The following RPS6KA2 variants were observed in gnomAD, a reference collection of about 807,000 sequenced individuals.
RPS6KA2 encodes the protein ribosomal protein S6 kinase alpha-2.
RPS6KA2 carries 42 observed loss-of-function variants against 91.8 expected under a neutral mutation model. That is an observed-to-expected ratio of 0.46 (90% CI 0.36 to 0.59). The LOEUF is 0.59. RPS6KA2 is among the 20% of genes least tolerant of loss of function. RPS6KA2 has a pLI of 0.00. For missense variants in RPS6KA2, 798 were observed against 978.5 expected, an observed-to-expected ratio of 0.82 and a Z score of 2.46; for synonymous variants, 414 against 393.6, an observed-to-expected ratio of 1.05 and a Z score of -0.61.
At chr6:166,537,166 C>A (rs1366293981) in intron 2 of RPS6KA2, among the ~76,000 whole-genome samples, 1 of 152,252 alleles carries the variant, frequency 6.6e-6, no homozygotes, top group Non-Finnish European at 1.5e-5. Context: ...CAGATAAAGA[C>A]GATTCGGCTG....
chr6:166,520,886 C>T (rs1012849572), intron 3 of RPS6KA2, among the ~76,000 whole-genome samples: 1 of 152,254 alleles, frequency 6.6e-6, no homozygotes, highest in Admixed American at 6.5e-5. Flanking sequence ...CTGCAGCCAA[C>T]TCAGAGAGCA....
At chr6:166,711,809 G>C (rs1210148407) in intron 2 of RPS6KA2, among the ~76,000 whole-genome samples, 2 of 150,848 alleles carry the variant, frequency 1.3e-5, no homozygotes, top group South Asian at 4.2e-4. Context: ...AGAGACAGAG[G>C]AGAAATCCAT....
chr6:166,775,537 C>T (rs1172649067), intron 2 of RPS6KA2, among the ~76,000 whole-genome samples: 4 of 152,224 alleles, frequency 2.6e-5, no homozygotes, highest in Non-Finnish European at 5.9e-5. Context: ...TACACAGGGT[C>T]CACGTTGTAG....
Position 166,819,848 on chromosome 6 carries a change from G to A in RPS6KA2, c.123+38352C>T, listed in dbSNP as rs9459765. On this transcript the variant is annotated intron_variant, in intron 2 of 21. Coordinates refer to the RPS6KA2 transcript ENST00000503859. ...TGTATTTACTGTATTTATGAAGGTA[G>A]GTCTTCAGGGTAAATTACTAGAAAG... is the stretch of plus-strand genomic sequence containing the variant. Among the ~76,000 whole-genome samples, 1,243 of 152,248 alleles carry A rather than the reference G, an allele frequency of 8.2e-3. 21 individuals carry two copies. The highest frequency in any genetic ancestry group is 0.029 in the African/African-American group (1,189 of 41,524).
At chr6:166,672,871 C>G (rs543249101) in intron 2 of RPS6KA2, among the ~76,000 whole-genome samples, 19 of 152,324 alleles carry the variant, frequency 1.2e-4, no homozygotes, top group African/African-American at 4.6e-4. Flanking sequence ...GAAAGAGAGG[C>G]AGTTGCCGTA....
chr6:166,478,501 CT>C (rs991401961), intron 10 of RPS6KA2, among the ~76,000 whole-genome samples: 6 of 152,194 alleles, frequency 3.9e-5, no homozygotes, highest in African/African-American at 1.4e-4. Context: ...CAATGTTCTT[CT>C]GGCTGGTACT....
intron 12 of RPS6KA2, among the ~76,000 whole-genome samples, chr6:166,453,456 C>CA (rs1212633062): frequency 1.3e-5 from 2 of 152,110 alleles, no homozygotes; most frequent in Non-Finnish European, 2.9e-5. Context: ...GATGGCCAAA[C>CA]AGCATATAAA....
chr6:166,595,247 T>A (rs1277652088), intron 1 of RPS6KA2, among the ~76,000 whole-genome samples: 1 of 152,116 alleles, frequency 6.6e-6, no homozygotes, highest in Non-Finnish European at 1.5e-5. Flanking sequence ...AGACTGGGTT[T>A]CGTCATGCTG....
At chr6:166,736,755 A>G (rs895410404) in intron 2 of RPS6KA2, among the ~76,000 whole-genome samples, 10 of 152,210 alleles carry the variant, frequency 6.6e-5, no homozygotes, top group African/African-American at 2.4e-4. Flanking sequence ...TGTATCAGGA[A>G]GTGAGCTCTC....
chr6:166,507,092 C>A (rs1324355967), intron 5 of RPS6KA2, among the ~76,000 whole-genome samples: 1 of 152,012 alleles, frequency 6.6e-6, no homozygotes, highest in Non-Finnish European at 1.5e-5. Flanking sequence ...GCGAAGACCA[C>A]ACCCGATGCT....
rs1305625670 is a variant in RPS6KA2, at chr6:166,627,025, C to T, written c.-6G>A. ...TTCTTCATGCTCAGGTCCATCGCCC[C>T]GCGCCCAGCCCGGAGCAGCCGCAGG... On this transcript the variant is annotated 5_prime_UTR_variant, in exon 1 of 21. Coordinates refer to ENST00000265678, the MANE Select transcript of RPS6KA2 (RefSeq NM_021135.6). 2.7e-6 allele frequency: 4 copies of T among 1,471,736 alleles called. No homozygotes were observed. The highest frequency in any genetic ancestry group is 2.9e-5 in the East Asian group (1 of 34,814). The allele number at this position is 1,471,736 out of a possible 1,614,324, so 91.2% of individuals were successfully genotyped here.
chr6:166,513,910 G>C (rs1782553189), intron 3 of RPS6KA2, among the ~76,000 whole-genome samples: 1 of 152,152 alleles, frequency 6.6e-6, no homozygotes, highest in South Asian at 2.1e-4. Context: ...TGTAGTCATT[G>C]TGTGCAAACA....
At chr6:166,695,034 T>A (rs571206568) in intron 2 of RPS6KA2, among the ~76,000 whole-genome samples, 1 of 152,348 alleles carries the variant, frequency 6.6e-6, no homozygotes, top group East Asian at 1.9e-4. Flanking sequence ...AGAGAGATGC[T>A]ATCCTGGCCA....
intron 2 of RPS6KA2, among the ~76,000 whole-genome samples, chr6:166,688,652 C>T (rs1003696963): frequency 3.3e-5 from 5 of 152,206 alleles, no homozygotes; most frequent in South Asian, 2.1e-4. Flanking sequence ...GGCGGGAAGG[C>T]GAGAGCGACA....
At chr6:166,714,923 T>C (rs2128581770) in intron 2 of RPS6KA2, among the ~76,000 whole-genome samples, 1 of 152,326 alleles carries the variant, frequency 6.6e-6, no homozygotes, top group East Asian at 1.9e-4. Context: ...TCTGGTCTGT[T>C]CTCTCTGCTG....
At chr6:166,618,635 C>T (rs977552273) in intron 1 of RPS6KA2, among the ~76,000 whole-genome samples, 5 of 152,360 alleles carry the variant, frequency 3.3e-5, no homozygotes, top group Non-Finnish European at 7.3e-5. Flanking sequence ...AATGAAAACA[C>T]GGGCACTACT....
At chr6:166,604,352 A>G (rs1305095951) in intron 1 of RPS6KA2, among the ~76,000 whole-genome samples, 4 of 152,160 alleles carry the variant, frequency 2.6e-5, no homozygotes, top group African/African-American at 9.7e-5. Context: ...GTTTGCTTAT[A>G]TGATCTATTT....
chr6:166,733,595 G>T lies in RPS6KA2; in HGVS notation c.123+124605C>A, dbSNP rs16899333. ...CTTAATTTTATCTTGTAGCATGTAT[G>T]TATGGAAGCCAGTGCCAGTCTCTTT... is the stretch of plus-strand genomic sequence containing the variant. On this transcript the variant is annotated intron_variant, in intron 2 of 21. Transcript: ENST00000503859. This position sits in a 1 kb window ranked among gnomAD's most constrained non-coding sequence, Gnocchi z 4.1. 0.28 allele frequency among the ~76,000 whole-genome samples: 42,258 copies of T among 151,984 alleles called. 8,299 individuals carry two copies. The highest frequency in any genetic ancestry group is 0.56 in the African/African-American group (23,180 of 41,384).
chr6:166,488,946 G>T lies in RPS6KA2; in HGVS notation c.819-25C>A, dbSNP rs771400498. 2.5e-6 allele frequency: 4 copies of T among 1,591,884 alleles called. No individual in the cohort carries two copies. In the South Asian group the frequency reaches 3.4e-5, roughly 13 times the overall value. ...TCTGAAAAACAAGATCCTATTTTAG[G>T]ATCTATTTTAGGAGAACAAGGACAA... On this transcript the variant is annotated intron_variant, in intron 9 of 20. Transcript: ENST00000265678.
Sources: allele counts gnomAD v4.1 joint callset (sites outside exome capture counted in the v4.1 genomes callset), GRCh38; gene constraint gnomAD v4.1.1; non-coding constraint Gnocchi (gnomAD v3.1); transcripts MANE v1.5; gene names NCBI Gene and HGNC (gene_info 2026-07-23, HGNC 2026-07-21).